ADGRL2: variants seen among roughly 807,000 people sequenced by gnomAD.
ADGRL2 encodes calcium-independent alpha-latrotoxin receptor 2.
ADGRL2 carries 44 observed loss-of-function variants against 157.4 expected under a neutral mutation model. The observed-to-expected ratio is 0.28, with a 90% CI of 0.22 to 0.36. ADGRL2 has a LOEUF of 0.36. Ranked by LOEUF, ADGRL2 falls within the 10% of genes least tolerant of loss-of-function variation. ADGRL2 has a pLI of 1.00. For missense variants in ADGRL2, 1,510 were observed against 1,768.9 expected (o/e 0.85, Z 2.63); for synonymous variants, 585 against 624.7 (o/e 0.94, Z 0.95).
chr1:81,857,920 T>C (rs931103497), intron 2 of ADGRL2, among the ~76,000 whole-genome samples: 2 of 152,156 alleles, frequency 1.3e-5, no homozygotes, highest in East Asian at 3.8e-4. Context: ...CTTACTACTA[T>C]CAACCAAATC....
intron 1 of ADGRL2, among the ~76,000 whole-genome samples, chr1:81,437,218 C>A (rs562158558): frequency 2.0e-5 from 3 of 152,094 alleles, no homozygotes; most frequent in Non-Finnish European, 4.4e-5. Flanking sequence ...ACAGATGAGA[C>A]GGGTGTCTGC....
At chr1:81,491,106 T>C (rs2147949489) in intron 2 of ADGRL2, among the ~76,000 whole-genome samples, 1 of 152,318 alleles carries the variant, frequency 6.6e-6, no homozygotes. Flanking sequence ...TCCCACCCCC[T>C]TGAGAATAAC....
intron 2 of ADGRL2, among the ~76,000 whole-genome samples, chr1:81,789,945 C>T (rs561569128): frequency 2.6e-5 from 4 of 152,052 alleles, no homozygotes; most frequent in South Asian, 2.1e-4. Flanking sequence ...AAGTGAGCTA[C>T]GATAGAAACA....
At chr1:81,662,656 G>C (rs1448565628) in intron 3 of ADGRL2, among the ~76,000 whole-genome samples, 13 of 151,778 alleles carry the variant, frequency 8.6e-5, no homozygotes, top group Non-Finnish European at 1.8e-4. Context: ...CCAGGTTCAA[G>C]CGATTCTCCT....
chr1:81,938,698 A>G (rs2095345053), intron 4 of ADGRL2, among the ~76,000 whole-genome samples: 1 of 151,654 alleles, frequency 6.6e-6, no homozygotes, highest in South Asian at 2.1e-4. Flanking sequence ...AAAAGTAATT[A>G]TAATTCCTAT....
chr1:81,897,366 A>G (rs2094409614), intron 2 of ADGRL2, among the ~76,000 whole-genome samples: 1 of 152,178 alleles, frequency 6.6e-6, no homozygotes, highest in Admixed American at 6.5e-5. Context: ...TACTGAGACT[A>G]ATAGCATCTC....
At chr1:81,752,601 C>G (rs534813127) in intron 1 of ADGRL2, among the ~76,000 whole-genome samples, 5 of 152,124 alleles carry the variant, frequency 3.3e-5, no homozygotes, top group African/African-American at 1.2e-4. Context: ...CGGCTCACTG[C>G]AGCCTCAACA....
rs2077346694 is a variant in ADGRL2, at chr1:81,432,874, A to G, written c.-301-12162A>G. Among the ~76,000 whole-genome samples the G allele has an allele frequency of 3.3e-5, 5 of 152,288 alleles. No homozygotes were observed. The South Asian group carries it at 8.3e-4, about 25-fold the overall frequency. On this transcript the variant is annotated intron_variant, in intron 1 of 24. Transcript: ENST00000370721. Reference sequence around the variant, plus strand: ...ATAAACGTCTTTCCTTTGTACAATCATGGGCCGTTCTATGGTTGTGTATAC... The same window carrying G: ...ATAAACGTCTTTCCTTTGTACAATCGTGGGCCGTTCTATGGTTGTGTATAC...
intron 2 of ADGRL2, among the ~76,000 whole-genome samples, chr1:81,855,271 G>A (rs1387741795): frequency 6.6e-6 from 1 of 151,772 alleles, no homozygotes; most frequent in African/African-American, 2.4e-5. Flanking sequence ...AAGACCTTGT[G>A]TCTACAGAAA....
intron 2 of ADGRL2, among the ~76,000 whole-genome samples, chr1:81,560,996 T>C (rs182693031): frequency 1.3e-5 from 2 of 152,226 alleles, no homozygotes; most frequent in Non-Finnish European, 2.9e-5. Flanking sequence ...GCCTCAAATA[T>C]TTTTCCTCCA....
At chr1:81,982,087 T>C (rs961405332) in intron 19 of ADGRL2, 111 bp downstream of exon 19, 27 of 871,154 alleles carry the variant, frequency 3.1e-5, no homozygotes, top group Non-Finnish European at 4.5e-5. Flanking sequence ...TAAAGAGCAT[T>C]ATATTTTTAA....
At chr1:81,755,165 T>TA (rs1571085954) in intron 1 of ADGRL2, among the ~76,000 whole-genome samples, 34 of 144,954 alleles carry the variant, frequency 2.3e-4, no homozygotes, top group Admixed American at 1.8e-3. Flanking sequence ...TATATATATA[T>TA]TTAAAGATAT....
At chr1:81,704,126 C>T (rs1420306338) in intron 1 of ADGRL2, among the ~76,000 whole-genome samples, 3 of 152,232 alleles carry the variant, frequency 2.0e-5, no homozygotes, top group African/African-American at 7.2e-5. Flanking sequence ...TCCCCTCTTA[C>T]ACAACCCAGA....
intron 2 of ADGRL2, among the ~76,000 whole-genome samples, chr1:81,564,885 C>A (rs1034779223): frequency 7.9e-5 from 12 of 152,140 alleles, no homozygotes; most frequent in African/African-American, 2.7e-4. Flanking sequence ...CTTATGGTAG[C>A]CTCCATCCTA....
At chr1:81,673,368 T>C (rs1476443171) in intron 3 of ADGRL2, among the ~76,000 whole-genome samples, 1 of 152,170 alleles carries the variant, frequency 6.6e-6, no homozygotes, top group East Asian at 1.9e-4. Context: ...TGTATTTCTC[T>C]AGTCAGAATT....
intron 1 of ADGRL2, among the ~76,000 whole-genome samples, chr1:81,416,051 C>A (rs1320581259): frequency 6.6e-6 from 1 of 151,980 alleles, no homozygotes; most frequent in Non-Finnish European, 1.5e-5. Context: ...AGGGTTTCAC[C>A]ATGTTAGCCA....
At chr1:81,923,733 T>A (rs2095042046) in intron 3 of ADGRL2, among the ~76,000 whole-genome samples, 1 of 152,070 alleles carries the variant, frequency 6.6e-6, no homozygotes, top group African/African-American at 2.4e-5. Context: ...TTAAATTGAG[T>A]ACTTCTTGCC....
chr1:81,809,461 T>C (rs956185346), intron 1 of ADGRL2, among the ~76,000 whole-genome samples: 6 of 151,948 alleles, frequency 3.9e-5, no homozygotes, highest in African/African-American at 1.4e-4. Context: ...AGTTCTTGGC[T>C]ATGAGAGATG....
intron 23 of ADGRL2, among the ~76,000 whole-genome samples, chr1:81,989,410 C>T (rs1664107817): frequency 6.6e-6 from 1 of 152,162 alleles, no homozygotes; most frequent in South Asian, 2.1e-4. Context: ...TCATTCGGTG[C>T]TGTCACTGTG....
Sources: allele counts gnomAD v4.1 joint callset (sites outside exome capture counted in the v4.1 genomes callset), GRCh38; gene constraint gnomAD v4.1.1; transcripts MANE v1.5; gene names NCBI Gene and HGNC (gene_info 2026-07-23, HGNC 2026-07-21).